Variants in TTC7B observed in about 807,000 individuals in gnomAD.
TTC7B encodes tetratricopeptide repeat domain 7B, also known as tetratricopeptide repeat protein 7B.
In TTC7B, 28 loss-of-function variants were observed where a neutral mutation model predicts 106.8. That is an observed-to-expected ratio of 0.26 (90% CI 0.19 to 0.36). The LOEUF is 0.36. TTC7B is among the 10% of genes least tolerant of loss of function. The pLI is 1.00. For synonymous variants in TTC7B, 405 were observed against 430.6 expected (o/e 0.94, Z 0.74); for missense variants, 862 against 1,076.4 (o/e 0.80, Z 2.79).
intron 12 of TTC7B, among the ~76,000 whole-genome samples, chr14:90,653,211 A>G (rs1227381274): frequency 6.6e-6 from 1 of 152,232 alleles, no homozygotes; most frequent in Non-Finnish European, 1.5e-5. Context: ...CAGAAGGAGC[A>G]CGACTGCCCT....
chr14:90,552,827 G>A (rs1307256897), intron 19 of TTC7B, among the ~76,000 whole-genome samples: 1 of 152,204 alleles, frequency 6.6e-6, no homozygotes, highest in Non-Finnish European at 1.5e-5. Flanking sequence ...ATCTCCTCCA[G>A]TCCCCATGGC....
At chr14:90,751,935 C>T (rs898565151) in intron 3 of TTC7B, among the ~76,000 whole-genome samples, 1 of 152,074 alleles carries the variant, frequency 6.6e-6, no homozygotes, top group Admixed American at 6.5e-5. Context: ...TATAAGGGAG[C>T]CCATTAGCTG....
intron 19 of TTC7B, among the ~76,000 whole-genome samples, chr14:90,542,042 C>T (rs1348098030): frequency 6.6e-6 from 1 of 152,180 alleles, no homozygotes; most frequent in African/African-American, 2.4e-5. Context: ...CGGGTTCATG[C>T]CATTCTCCTG....
At chr14:90,648,117 T>G (rs1885547877) in intron 13 of TTC7B, among the ~76,000 whole-genome samples, 1 of 152,140 alleles carries the variant, frequency 6.6e-6, no homozygotes, top group African/African-American at 2.4e-5. Flanking sequence ...ATATGCTAAA[T>G]TCACTAATTT....
chr14:90,653,128 G>C (rs534474998), intron 12 of TTC7B, among the ~76,000 whole-genome samples: 1 of 152,358 alleles, frequency 6.6e-6, no homozygotes, highest in African/African-American at 2.4e-5. Context: ...CAAGGGGACA[G>C]TGTGAGTTGG....
intron 9 of TTC7B, among the ~76,000 whole-genome samples, chr14:90,673,442 A>C (rs926048061): frequency 6.6e-6 from 1 of 152,212 alleles, no homozygotes; most frequent in African/African-American, 2.4e-5. Context: ...GAGAAAAAAG[A>C]AGGAGCGCGG....
At chr14:90,588,072 C>T (rs1891793380) in intron 18 of TTC7B, among the ~76,000 whole-genome samples, 1 of 152,192 alleles carries the variant, frequency 6.6e-6, no homozygotes, top group South Asian at 2.1e-4. Flanking sequence ...ACGTCGTGTT[C>T]CCTCTCACAG....
intron 2 of TTC7B, among the ~76,000 whole-genome samples, chr14:90,781,813 C>T (rs1205557050): frequency 6.6e-6 from 1 of 152,166 alleles, no homozygotes; most frequent in East Asian, 1.9e-4. Flanking sequence ...GCCCCCCTTC[C>T]TCCCAGTCAG....
intron 3 of TTC7B, among the ~76,000 whole-genome samples, chr14:90,752,290 G>A (rs1421733562): frequency 6.6e-6 from 1 of 152,098 alleles, no homozygotes; most frequent in Admixed American, 6.5e-5. Context: ...GGCCAAGGTG[G>A]GAGCATTGCT....
chr14:90,763,314 A>C (rs1252517766), intron 3 of TTC7B, among the ~76,000 whole-genome samples: 1 of 152,242 alleles, frequency 6.6e-6, no homozygotes, highest in Non-Finnish European at 1.5e-5. Context: ...AAAATTAGAC[A>C]GTGTCTAAAC....
intron 5 of TTC7B, among the ~76,000 whole-genome samples, chr14:90,696,372 C>T (rs191709623): frequency 1.3e-5 from 2 of 152,306 alleles, no homozygotes; most frequent in Admixed American, 1.3e-4. Context: ...CCCAGCTGGT[C>T]CCTTTACATT....
At position 90,570,914 on chromosome 14, in the gene TTC7B, G is replaced by A. The variant is rs1891008705; in HGVS notation, c.2310+7192C>T. ...ATCTCGGGGTACGCAGTTAGTAAGC[G>A]ACACAGCTGGGACTGGAACCCAGGC... On this transcript the variant is annotated intron_variant, in intron 19 of 19. Transcript: ENST00000328459. This position sits in a 1 kb window ranked among gnomAD's most constrained non-coding sequence, Gnocchi z 4.0. 6.6e-6 allele frequency among the ~76,000 whole-genome samples: 1 copy of A among 152,112 alleles called. No homozygotes were observed. The highest frequency in any genetic ancestry group is 2.4e-5 in the African/African-American group (1 of 41,408).
At chr14:90,788,312 G>A (rs971613034) in intron 1 of TTC7B, among the ~76,000 whole-genome samples, 2 of 152,162 alleles carry the variant, frequency 1.3e-5, no homozygotes, top group African/African-American at 2.4e-5. Context: ...GCAACAAGCA[G>A]CTTCCTCCCA....
chr14:90,610,804 G>T lies in TTC7B; in HGVS notation c.1904C>A (p.Thr635Asn). Residue 635 changes from threonine to asparagine, a missense_variant, in exon 17 of 20, where the codon ACC becomes AAC. Thr to Asn is a moderately conservative substitution (Grantham distance 65, BLOSUM62 0). Transcript: ENST00000328459. The stretch of plus-strand genomic sequence containing the variant: ...ATTAAGCTGTCGTCTGTCAGCAATG[G>T]TTCTATCTAAGAGGCTGCTCCCACG... ...SGRGSSLLDR[T>N]IADRRQLNTI... 1 of 1,613,882 alleles carries T rather than the reference G, an allele frequency of 6.2e-7. No homozygotes were observed. Among genetic ancestry groups the T allele is most frequent in the South Asian group, 1.1e-5 (1 of 91,058 alleles).
chr14:90,563,051 C>A (rs975931656), intron 19 of TTC7B, among the ~76,000 whole-genome samples: 1 of 152,158 alleles, frequency 6.6e-6, no homozygotes, highest in Non-Finnish European at 1.5e-5. Context: ...CTCCCTATAG[C>A]CTTTCAGTAC....
rs1041551618 is a variant in TTC7B at position 90,575,338 on chromosome 14, C to G, written c.2310+2768G>C. 1.3e-5 allele frequency among the ~76,000 whole-genome samples: 2 copies of G among 152,252 alleles called. No individual in the cohort carries two copies. The highest frequency in any genetic ancestry group is 2.9e-5 in the Non-Finnish European group (2 of 68,048). On this transcript the variant is annotated intron_variant, in intron 19 of 19. Coordinates refer to ENST00000328459, the MANE Select transcript of TTC7B (RefSeq NM_001010854.2). The surrounding 1 kb of genome is among the most constrained non-coding windows in gnomAD (Gnocchi z 5.2). ...GGTGAATAACCTGTCCAAGGCCCCA[C>G]AGCGAATGGGGCCAGAGCTGTGATT...
intron 18 of TTC7B, among the ~76,000 whole-genome samples, chr14:90,587,098 G>A (rs1271871702): frequency 2.6e-5 from 4 of 152,034 alleles, no homozygotes; most frequent in African/African-American, 4.8e-5. Flanking sequence ...CTGCTCTGCC[G>A]GCGTCCACTT....
chr14:90,563,758 T>C (rs935758872), intron 19 of TTC7B, among the ~76,000 whole-genome samples: 2 of 152,226 alleles, frequency 1.3e-5, no homozygotes, highest in African/African-American at 2.4e-5. Context: ...CAAGCTGATA[T>C]AATATTCTAA....
chr14:90,746,791 T>A (rs1356165422), intron 3 of TTC7B, among the ~76,000 whole-genome samples: 3 of 152,266 alleles, frequency 2.0e-5, no homozygotes, highest in African/African-American at 7.2e-5. Flanking sequence ...CTAATTTAAC[T>A]TTTGCTTTCT....
Sources: allele counts gnomAD v4.1 joint callset (sites outside exome capture counted in the v4.1 genomes callset), GRCh38; gene constraint gnomAD v4.1.1; non-coding constraint Gnocchi (gnomAD v3.1); transcripts MANE v1.5; gene names NCBI Gene and HGNC (gene_info 2026-07-23, HGNC 2026-07-21).